The following RALYL variants were observed in gnomAD, a reference collection of about 807,000 sequenced individuals.
RALYL encodes RALY RNA binding protein like, also known as RNA-binding Raly-like protein.
In RALYL, 29 loss-of-function variants were observed where a neutral mutation model predicts 35.1. The observed-to-expected ratio is 0.83, with a 90% CI of 0.61 to 1.13. The LOEUF (loss-of-function observed/expected upper bound fraction) is 1.13, where lower values mean the gene tolerates loss of function less well. RALYL is among the 50% of genes most tolerant of loss of function. The pLI, the probability that RALYL is intolerant of heterozygous loss-of-function variation, is 0.00. For missense variants in RALYL, 359 were observed against 360.4 expected (o/e 1.00, Z 0.03); for synonymous variants, 120 against 127.6 (o/e 0.94, Z 0.40).
chr8:84,737,732 G>T (rs1306386208), intron 2 of RALYL, among the ~76,000 whole-genome samples: 2 of 151,894 alleles, frequency 1.3e-5, no homozygotes, highest in African/African-American at 4.8e-5. Context: ...GGTGATTAGT[G>T]TATAAGGACA....
At chr8:84,363,675 T>C (rs1374870457) in intron 1 of RALYL, among the ~76,000 whole-genome samples, 1 of 152,140 alleles carries the variant, frequency 6.6e-6, no homozygotes, top group South Asian at 2.1e-4. Flanking sequence ...CAGAGAGGTA[T>C]GAGGAGGGGT....
At chr8:84,251,609 A>C (rs1008329490) in intron 1 of RALYL, among the ~76,000 whole-genome samples, 1 of 152,092 alleles carries the variant, frequency 6.6e-6, no homozygotes, top group African/African-American at 2.4e-5. Context: ...CCTTGAGTGT[A>C]CATTTCGCCT....
Position 84,573,687 on chromosome 8 carries a change from C to T in RALYL, c.256+44110C>T, listed in dbSNP as rs988390863. ...CATCTTGATATTTTTAAGCTGTTTA[C>T]TGAAGTTCCTGTCAGTTCTCACCAT... On this transcript the variant is annotated intron_variant, in intron 2 of 8. Transcript: ENST00000521268. 2.0e-5 allele frequency among the ~76,000 whole-genome samples: 3 copies of T among 151,782 alleles called. No homozygotes were observed. The South Asian group carries it at 6.2e-4, about 31-fold the overall frequency.
intron 1 of RALYL, among the ~76,000 whole-genome samples, chr8:84,188,427 T>A (rs1324191791): frequency 6.6e-6 from 1 of 152,132 alleles, no homozygotes; most frequent in African/African-American, 2.4e-5. Context: ...TATTATTCTC[T>A]TATTACTGTT....
In RALYL at chr8:84,719,158, T is replaced by A. The variant is rs1187111055; in HGVS notation, c.257-55421T>A. Among the ~76,000 whole-genome samples, 4 of 152,182 alleles carry A rather than the reference T, an allele frequency of 2.6e-5. No homozygotes were observed. In the South Asian group the frequency reaches 6.2e-4, roughly 24 times the overall value. ...ATGTAATTGATAATTTATCTAGTCATTTGGCTATAACCCCCAAAGACAGAG... is the reference window on the plus strand; with the variant it reads ...ATGTAATTGATAATTTATCTAGTCAATTGGCTATAACCCCCAAAGACAGAG... On this transcript the variant is annotated intron_variant, in intron 2 of 8. Coordinates refer to ENST00000521268, the MANE Select transcript of RALYL (RefSeq NM_173848.7).
At chr8:84,567,033 T>C (rs1387893657) in intron 2 of RALYL, among the ~76,000 whole-genome samples, 2 of 151,820 alleles carry the variant, frequency 1.3e-5, no homozygotes, top group African/African-American at 2.4e-5. Context: ...AAAGAATCAC[T>C]TCTTAAAGTA....
chr8:84,481,383 G>A (rs2054022542), intron 1 of RALYL, among the ~76,000 whole-genome samples: 1 of 152,244 alleles, frequency 6.6e-6, no homozygotes, highest in East Asian at 1.9e-4. Context: ...AGGCTGGAGT[G>A]CAATGGCACC....
At chr8:84,210,397 C>T (rs1819192851) in intron 1 of RALYL, among the ~76,000 whole-genome samples, 1 of 150,144 alleles carries the variant, frequency 6.7e-6, no homozygotes, top group African/African-American at 2.5e-5. Flanking sequence ...CTAAGCAACT[C>T]CTTATATCAC....
At chr8:84,206,340 A>G (rs1189030829) in intron 1 of RALYL, among the ~76,000 whole-genome samples, 2 of 152,142 alleles carry the variant, frequency 1.3e-5, no homozygotes, top group Non-Finnish European at 2.9e-5. Flanking sequence ...CGTGGTACCT[A>G]AAGTCAGGTG....
chr8:84,681,405 A>G (rs1174820648), intron 2 of RALYL, among the ~76,000 whole-genome samples: 2 of 152,134 alleles, frequency 1.3e-5, no homozygotes, highest in African/African-American at 4.8e-5. Context: ...TGGTAGCTTG[A>G]TGGGGATGGC....
intron 1 of RALYL, among the ~76,000 whole-genome samples, chr8:84,452,704 T>C (rs2049636521): frequency 6.6e-6 from 1 of 151,990 alleles, no homozygotes; most frequent in Non-Finnish European, 1.5e-5. Flanking sequence ...AATTGCATTG[T>C]TCAGTGAACA....
At chr8:84,815,776 C>T (rs952794417) in intron 4 of RALYL, among the ~76,000 whole-genome samples, 2 of 151,792 alleles carry the variant, frequency 1.3e-5, no homozygotes, top group African/African-American at 4.8e-5. Flanking sequence ...GTGGCTCATG[C>T]CTGGAATCCC....
intron 2 of RALYL, among the ~76,000 whole-genome samples, chr8:84,751,167 T>C (rs1326483837): frequency 6.6e-6 from 1 of 152,096 alleles, no homozygotes; most frequent in Non-Finnish European, 1.5e-5. Context: ...ACTGGGGCTT[T>C]AGTCTGACAC....
At chr8:84,403,454 A>AGATTAGAT in intron 1 of RALYL, among the ~76,000 whole-genome samples, 1 of 150,286 alleles carries the variant, frequency 6.7e-6, no homozygotes, top group Non-Finnish European at 1.5e-5. Context: ...GTTTTGCCAA[A>AGATTAGAT]GATTAGATGG....
intron 1 of RALYL, among the ~76,000 whole-genome samples, chr8:84,243,924 AC>A: frequency 6.6e-6 from 1 of 152,276 alleles, no homozygotes; most frequent in Admixed American, 6.5e-5. Flanking sequence ...TTGAAGTCAG[AC>A]TTAGTCAGTT....
Position 84,775,504 on chromosome 8 carries a change from C to T in RALYL, c.332+850C>T, listed in dbSNP as rs536959901. Reference sequence around the variant, plus strand: ...AGTCAGCCTTCTTTATTACAAAGTACATGTTTCTCTCATGACCATTTTTCC... The same window carrying T: ...AGTCAGCCTTCTTTATTACAAAGTATATGTTTCTCTCATGACCATTTTTCC... On this transcript the variant is annotated intron_variant, in intron 3 of 8. Coordinates refer to ENST00000521268, the MANE Select transcript of RALYL (RefSeq NM_173848.7). 7.2e-5 allele frequency among the ~76,000 whole-genome samples: 11 copies of T among 152,242 alleles called. No individual in the cohort carries two copies. In the South Asian group the frequency reaches 2.3e-3, roughly 32 times the overall value.
At chr8:84,693,240 A>G (rs28496091) in intron 2 of RALYL, among the ~76,000 whole-genome samples, 11,347 of 151,976 alleles carry the variant, frequency 0.075, 1,028 homozygotes, top group African/African-American at 0.21. Context: ...CCTGAGACTG[A>G]GCAATTTATA....
At chr8:84,722,312 C>T (rs944998017) in intron 2 of RALYL, among the ~76,000 whole-genome samples, 1 of 151,676 alleles carries the variant, frequency 6.6e-6, no homozygotes, top group African/African-American at 2.4e-5. Context: ...GTTAAAAGAG[C>T]AATGAGTAAT....
chr8:84,463,748 C>T (rs899256526), intron 1 of RALYL, among the ~76,000 whole-genome samples: 1 of 152,102 alleles, frequency 6.6e-6, no homozygotes, highest in Admixed American at 6.6e-5. Flanking sequence ...ATAATTCTAA[C>T]TAAGGTTTAC....
Sources: gnomAD v4.1 joint callset for allele counts (sites outside exome capture counted in the v4.1 genomes callset) on GRCh38, gnomAD v4.1.1 for gene constraint, MANE v1.5 for transcripts, NCBI Gene and HGNC (gene_info 2026-07-23, HGNC 2026-07-21) for gene names.